CACNA1D: variants seen among roughly 807,000 people sequenced by gnomAD.
CACNA1D encodes calcium voltage-gated channel subunit alpha1 D, also known as voltage-dependent L-type calcium channel subunit alpha-1D.
CACNA1D carries 55 observed loss-of-function variants against 257.1 expected under a neutral mutation model. The observed-to-expected ratio is 0.21, with a 90% CI of 0.17 to 0.27. The LOEUF is 0.27. Among genes scored for constraint, CACNA1D ranks in the 10% least tolerant of loss-of-function variants. CACNA1D has a pLI of 1.00. For synonymous variants in CACNA1D, 980 were observed against 1,014.9 expected (o/e 0.97, Z 0.65); for missense variants, 1,876 against 2,784.0 (o/e 0.67, Z 7.34).
chr3:53,639,292 G>A (rs947488496), intron 3 of CACNA1D, among the ~76,000 whole-genome samples: 2 of 152,060 alleles, frequency 1.3e-5, no homozygotes, highest in Non-Finnish European at 2.9e-5. Context: ...AAATCACCGA[G>A]ATAAGAGGTT....
chr3:53,790,901 T>A, intron 40 of CACNA1D: 1 of 687,086 alleles, frequency 1.5e-6, no homozygotes, highest in Non-Finnish European at 2.6e-6. Context: ...AGCCTCTTTT[T>A]AAATTTTTTT....
In CACNA1D at chr3:53,800,037, G is replaced by C. The variant is rs1006787694; in HGVS notation, c.4924-212G>C. On this transcript the variant is annotated intron_variant, in intron 40 of 47. Coordinates refer to ENST00000350061, the MANE Select transcript of CACNA1D (RefSeq NM_001128840.3). This position sits in a 1 kb window ranked among gnomAD's most constrained non-coding sequence, Gnocchi z 4.3. ...GGAGGTTACGGGGTTGCAGGCCTCA[G>C]GCATCCTACCTAGGACCTTCTTGAC... 3 of 652,320 alleles carry C rather than the reference G, an allele frequency of 4.6e-6. No homozygotes were observed. In the African/African-American group the frequency reaches 5.4e-5, roughly 12 times the overall value. 40.4% of individuals were successfully genotyped at this position (652,320 alleles called of 1,614,324 possible).
chr3:53,510,775 C>T (rs1226479194), intron 3 of CACNA1D, among the ~76,000 whole-genome samples: 1 of 152,080 alleles, frequency 6.6e-6, no homozygotes, highest in Non-Finnish European at 1.5e-5. Flanking sequence ...TTGGGTCTGG[C>T]CTCTCTCTGG....
intron 39 of CACNA1D, among the ~76,000 whole-genome samples, chr3:53,784,881 G>A (rs566046451): frequency 2.0e-4 from 31 of 152,284 alleles, no homozygotes; most frequent in African/African-American, 7.5e-4. Flanking sequence ...CTGGAGAGGT[G>A]GTATGAAGGA....
chr3:53,702,880 T>G, intron 9 of CACNA1D, 70 bp downstream of exon 9: 1 of 1,537,876 alleles, frequency 6.5e-7, no homozygotes, highest in Non-Finnish European at 8.9e-7. Context: ...GCAGTAGGCC[T>G]TCCTCGACTC....
At chr3:53,748,474 G>A (rs772501066) in intron 26 of CACNA1D, among the ~76,000 whole-genome samples, 21 of 152,210 alleles carry the variant, frequency 1.4e-4, no homozygotes, top group Non-Finnish European at 2.8e-4. Flanking sequence ...GCCCTTCACT[G>A]TGTGCAGGCA....
chr3:53,701,162 G>A lies in CACNA1D; in HGVS notation c.1221-1479G>A, dbSNP rs566602595. Among the ~76,000 whole-genome samples, 6 of 152,096 alleles carry A rather than the reference G, an allele frequency of 3.9e-5. No homozygotes were observed. In the South Asian group the frequency reaches 1.2e-3, roughly 32 times the overall value. On this transcript the variant is annotated intron_variant, in intron 8 of 47. Transcript: ENST00000350061. ...TTATTATTATTATTATTATTTTGGA[G>A]ACAGCGTCTTGCTCTGTTGCCCAGG...
At chr3:53,778,201 T>C (rs1034255479) in intron 37 of CACNA1D, among the ~76,000 whole-genome samples, 1 of 152,220 alleles carries the variant, frequency 6.6e-6, no homozygotes, top group African/African-American at 2.4e-5. Flanking sequence ...AGCTTGACTT[T>C]TTTTTTTCCA....
At chr3:53,759,280 T>C (rs2095285919) in intron 29 of CACNA1D, among the ~76,000 whole-genome samples, 1 of 152,222 alleles carries the variant, frequency 6.6e-6, no homozygotes, top group Non-Finnish European at 1.5e-5. Context: ...GAGAATATCT[T>C]ATAGGCTGAT....
intron 29 of CACNA1D, among the ~76,000 whole-genome samples, chr3:53,761,027 A>G (rs991304417): frequency 6.6e-6 from 1 of 152,216 alleles, no homozygotes; most frequent in African/African-American, 2.4e-5. Context: ...GACAGCCGGG[A>G]CTGCGAAGGT....
intron 30 of CACNA1D, among the ~76,000 whole-genome samples, chr3:53,767,204 A>T (rs1287334596): frequency 1.3e-5 from 2 of 152,100 alleles, no homozygotes; most frequent in African/African-American, 4.8e-5. Context: ...GGCCAGCTTT[A>T]CCCTGGCCCA....
At position 53,635,889 on chromosome 3, in the gene CACNA1D, C is replaced by T. The variant is rs187355651; in HGVS notation, c.484-14890C>T. On this transcript the variant is annotated intron_variant, in intron 3 of 47. Transcript: ENST00000350061. ...GATTCCTTAGGACAGGCAGGAAACT[C>T]GCTGCCCGACCCTGCCTGAGTCTCC... Among the ~76,000 whole-genome samples, 453 of 152,278 alleles carry T rather than the reference C, an allele frequency of 3.0e-3. 3 individuals carry two copies. The highest frequency in any genetic ancestry group is 9.3e-3 in the African/African-American group (386 of 41,544).
At position 53,810,052 on chromosome 3, in the gene CACNA1D, C is replaced by T. The variant is rs1044752908; in HGVS notation, c.5946C>T (p.Ala1982=). The change falls in exon 47 of 48, where the codon GCC becomes GCT. Residue 1982 remains alanine (A), a synonymous_variant. Coordinates refer to ENST00000350061, the MANE Select transcript of CACNA1D (RefSeq NM_001128840.3). ...CGAGTCACTCGACCCGGTCGTGGGC[C>T]ACCCCTCCAGCAACCCCTCCCTACC... The part of the protein sequence containing the change: ...YSPSHSTRSW[A]TPPATPPYRD... 1 of 1,613,882 alleles carries T rather than the reference C, an allele frequency of 6.2e-7. No homozygotes were observed. The highest frequency in any genetic ancestry group is 8.5e-7 in the Non-Finnish European group (1 of 1,180,018).
intron 10 of CACNA1D, chr3:53,718,601 C>CCCCCCCCCCCA: frequency 9.1e-7 from 1 of 1,103,192 alleles, no homozygotes; most frequent in Non-Finnish European, 1.3e-6. Flanking sequence ...CCCCCCGGCC[C>CCCCCCCCCCCA]AGCATTTCAC....
In CACNA1D at chr3:53,800,425, G is replaced by C; in HGVS notation, c.5040+60G>C. On this transcript the variant is annotated intron_variant, in intron 41 of 47. Coordinates refer to ENST00000350061, the MANE Select transcript of CACNA1D (RefSeq NM_001128840.3). This position sits in a 1 kb window ranked among gnomAD's most constrained non-coding sequence, Gnocchi z 4.3. ...CTGGAAATAGCAGGGCAGGACTCCAGTTTGGGCAGTTAATCATCCACAGAA... is the reference window on the plus strand; with the variant it reads ...CTGGAAATAGCAGGGCAGGACTCCACTTTGGGCAGTTAATCATCCACAGAA... The C allele has an allele frequency of 8.9e-7, 1 of 1,125,688 alleles. No homozygotes were observed. Among genetic ancestry groups the C allele is most frequent in the Non-Finnish European group, 1.4e-6 (1 of 734,000 alleles). The allele number at this position is 1,125,688 out of a possible 1,614,324, so 69.7% of individuals were successfully genotyped here.
At chr3:53,660,111 C>A (rs370989834) in intron 4 of CACNA1D, 22 bp from the exon 5 acceptor site, 156 of 1,610,538 alleles carry the variant, frequency 9.7e-5, no homozygotes, top group Non-Finnish European at 1.2e-4. Flanking sequence ...TCTAACATTT[C>A]TTTCTCTTTC....
chr3:53,512,823 G>A (rs2091175715), intron 3 of CACNA1D, among the ~76,000 whole-genome samples: 1 of 152,146 alleles, frequency 6.6e-6, no homozygotes, highest in African/African-American at 2.4e-5. Context: ...TATTAGGTCG[G>A]TGCAAACCTA....
At chr3:53,689,488 G>T (rs982588379) in intron 8 of CACNA1D, among the ~76,000 whole-genome samples, 2 of 152,004 alleles carry the variant, frequency 1.3e-5, no homozygotes, top group East Asian at 3.9e-4. Flanking sequence ...GGGGCTGGGG[G>T]CTGCAGGGAT....
chr3:53,744,318 A>G (rs1290452610), intron 22 of CACNA1D, among the ~76,000 whole-genome samples: 5 of 149,280 alleles, frequency 3.3e-5, no homozygotes, highest in African/African-American at 1.2e-4. Flanking sequence ...GGGATTGCCC[A>G]TCTCTCCACC....
Sources: allele counts gnomAD v4.1 joint callset (sites outside exome capture counted in the v4.1 genomes callset), GRCh38; gene constraint gnomAD v4.1.1; non-coding constraint Gnocchi (gnomAD v3.1); transcripts MANE v1.5; gene names NCBI Gene and HGNC (gene_info 2026-07-23, HGNC 2026-07-21).